Variants in FRMD4B observed in about 807,000 individuals in gnomAD.
The protein encoded by FRMD4B is FERM domain containing 4B.
In FRMD4B, 74 loss-of-function variants were observed where a neutral mutation model predicts 141.5. The observed-to-expected ratio is 0.52, with a 90% CI of 0.43 to 0.63. The LOEUF is 0.63. Ranked by LOEUF, FRMD4B falls within the 30% of genes least tolerant of loss-of-function variation. FRMD4B has a pLI of 0.00. For synonymous variants in FRMD4B, 506 were observed against 467.9 expected (o/e 1.08, Z -1.05); for missense variants, 1,366 against 1,253.4 (o/e 1.09, Z -1.36).
intron 21 of FRMD4B, among the ~76,000 whole-genome samples, chr3:69,177,816 A>G (rs1156527137): frequency 6.6e-6 from 1 of 152,226 alleles, no homozygotes; most frequent in African/African-American, 2.4e-5. Flanking sequence ...AATGTGTTCC[A>G]TAAGTTGACT....
At chr3:69,334,546 T>C (rs1283162707) in intron 1 of FRMD4B, 1 of 151,940 alleles carries the variant, frequency 6.6e-6, no homozygotes, top group African/African-American at 2.4e-5. Flanking sequence ...AGGGGAAACA[T>C]TTTGCTTCTT....
intron 1 of FRMD4B, among the ~76,000 whole-genome samples, chr3:69,453,730 A>G (rs1183644423): frequency 6.6e-6 from 1 of 152,186 alleles, no homozygotes; most frequent in African/African-American, 2.4e-5. Flanking sequence ...GGAGGAGATG[A>G]TTATCTGACG....
chr3:69,226,617 T>A lies in FRMD4B; in HGVS notation c.582-1927A>T, dbSNP rs187291850. ...ATCCAGGTGAACCATAGGCTATGTT[T>A]CAAGAACCCAGCCTAGCATTCACTT... is the stretch of plus-strand genomic sequence containing the variant. On this transcript the variant is annotated intron_variant, in intron 7 of 22. Coordinates refer to ENST00000398540, the MANE Select transcript of FRMD4B (RefSeq NM_015123.3). Among the ~76,000 whole-genome samples the A allele has an allele frequency of 2.6e-5, 4 of 152,306 alleles. No homozygotes were observed. In the East Asian group the frequency reaches 7.7e-4, roughly 29 times the overall value.
At chr3:69,310,559 C>CACACACAT in intron 3 of FRMD4B, 1 of 211,656 alleles carries the variant, frequency 4.7e-6, no homozygotes, top group Non-Finnish European at 9.6e-6. Flanking sequence ...GACAAACACA[C>CACACACAT]ACACACACAC....
At chr3:69,251,369 A>C (rs1042836542) in intron 5 of FRMD4B, among the ~76,000 whole-genome samples, 3 of 152,212 alleles carry the variant, frequency 2.0e-5, no homozygotes, top group African/African-American at 7.2e-5. Flanking sequence ...AGACAGGTTC[A>C]CAGAGGTAGT....
intron 1 of FRMD4B, among the ~76,000 whole-genome samples, chr3:69,384,597 A>T (rs1056405012): frequency 3.3e-5 from 5 of 152,222 alleles, no homozygotes; most frequent in African/African-American, 9.6e-5. Flanking sequence ...TCAAACTCCC[A>T]CATGCTGCCC....
intron 17 of FRMD4B, among the ~76,000 whole-genome samples, chr3:69,192,432 T>C (rs760329193): frequency 1.3e-5 from 2 of 152,078 alleles, no homozygotes; most frequent in Non-Finnish European, 2.9e-5. Context: ...CCCAATTTCA[T>C]AGATGTTAAA....
At chr3:69,209,220 G>T (rs889993215) in intron 11 of FRMD4B, among the ~76,000 whole-genome samples, 1 of 151,218 alleles carries the variant, frequency 6.6e-6, no homozygotes, top group African/African-American at 2.4e-5. Flanking sequence ...CCACCCAGCT[G>T]CCCTTGCACT....
intron 1 of FRMD4B, among the ~76,000 whole-genome samples, chr3:69,366,872 T>A (rs978357784): frequency 1.3e-5 from 2 of 152,008 alleles, no homozygotes; most frequent in African/African-American, 4.8e-5. Context: ...TGGGCTCAAG[T>A]GATCCTCCCA....
chr3:69,270,599 C>T (rs953673335), intron 5 of FRMD4B, among the ~76,000 whole-genome samples: 4 of 145,578 alleles, frequency 2.7e-5, no homozygotes, highest in Non-Finnish European at 6.0e-5. Flanking sequence ...CGGAGTCTCG[C>T]TCTCTCTCCA....
intron 1 of FRMD4B, among the ~76,000 whole-genome samples, chr3:69,457,654 T>C (rs1207515254): frequency 6.9e-6 from 1 of 144,052 alleles, no homozygotes; most frequent in Non-Finnish European, 1.6e-5. Context: ...TGGATGTTTT[T>C]CTTTATATTA....
intron 1 of FRMD4B, among the ~76,000 whole-genome samples, chr3:69,538,548 T>C (rs920431923): frequency 6.6e-6 from 1 of 152,150 alleles, no homozygotes; most frequent in Admixed American, 6.5e-5. Context: ...TGCTGTCTTG[T>C]TATACCTAAA....
chr3:69,392,425 A>T lies in FRMD4B; in HGVS notation c.-1+40209T>A, dbSNP rs554697873. Among the ~76,000 whole-genome samples the T allele has an allele frequency of 3.9e-3, 600 of 152,304 alleles. 8 individuals carry two copies. The highest frequency in any genetic ancestry group is 0.014 in the African/African-American group (571 of 41,570). On this transcript the variant is annotated intron_variant, in intron 2 of 5. Coordinates refer to the FRMD4B transcript ENST00000459638. ...GGGGTACATGATAGCAATCCAAGGC[A>T]CAGGGAGCCTTGAGGACAATGCTTG... is the stretch of plus-strand genomic sequence containing the variant.
intron 1 of FRMD4B, chr3:69,536,720 T>C: frequency 4.6e-6 from 3 of 649,346 alleles, no homozygotes; most frequent in East Asian, 2.9e-5. Flanking sequence ...CCTTCAGTTA[T>C]GGTAAGGACT....
At chr3:69,434,375 T>C (rs184020621) in intron 1 of FRMD4B, among the ~76,000 whole-genome samples, 2 of 152,380 alleles carry the variant, frequency 1.3e-5, no homozygotes, top group Non-Finnish European at 2.9e-5. Context: ...GATGCTATTA[T>C]ACTAGGAATA....
chr3:69,522,474 C>T (rs750063921), intron 1 of FRMD4B, among the ~76,000 whole-genome samples: 2 of 152,132 alleles, frequency 1.3e-5, no homozygotes, highest in Admixed American at 6.5e-5. Flanking sequence ...AACGCAGCCT[C>T]CTCCTCCCCC....
At chr3:69,458,551 T>A (rs1325423440) in intron 1 of FRMD4B, among the ~76,000 whole-genome samples, 7 of 152,200 alleles carry the variant, frequency 4.6e-5, no homozygotes, top group African/African-American at 1.7e-4. Context: ...GGACATTTGA[T>A]GGGCTAATTA....
At chr3:69,361,834 A>G (rs1028834640) in intron 1 of FRMD4B, among the ~76,000 whole-genome samples, 1 of 152,220 alleles carries the variant, frequency 6.6e-6, no homozygotes, top group African/African-American at 2.4e-5. Flanking sequence ...GTGTGTATGC[A>G]TGTGTGTGCA....
chr3:69,354,533 G>C (rs1685485178), intron 1 of FRMD4B, among the ~76,000 whole-genome samples: 1 of 152,016 alleles, frequency 6.6e-6, no homozygotes, highest in Non-Finnish European at 1.5e-5. Flanking sequence ...TATATCCTTG[G>C]GAAAGTTACT....
Sources: gnomAD v4.1 joint callset for allele counts (sites outside exome capture counted in the v4.1 genomes callset) on GRCh38, gnomAD v4.1.1 for gene constraint, MANE v1.5 for transcripts, NCBI Gene and HGNC (gene_info 2026-07-23, HGNC 2026-07-21) for gene names.